The following ABCA13 variants were observed in gnomAD, a reference collection of about 807,000 sequenced individuals.
ABCA13 encodes the protein ATP-binding cassette sub-family A member 13.
A neutral mutation model predicts 478.7 loss-of-function variants in ABCA13; 476 were observed. The ratio of observed to expected loss-of-function variants is 0.99; its 90% CI spans 0.92 to 1.07. The LOEUF is 1.07. Among genes scored for constraint, ABCA13 ranks in the 50% least tolerant of loss-of-function variants. The pLI is 0.00. For synonymous variants in ABCA13, 2,252 were observed against 2,158.9 expected (o/e 1.04, Z -1.20); for missense variants, 6,060 against 5,910.6 (o/e 1.03, Z -0.83).
chr7:48,399,312 G>C (rs1043182641), intron 38 of ABCA13, among the ~76,000 whole-genome samples: 13 of 152,228 alleles, frequency 8.5e-5, no homozygotes, highest in African/African-American at 3.1e-4. Flanking sequence ...TTGAGCTACA[G>C]AGCAGGTGGC....
rs2129027534 is a variant in ABCA13, at chr7:48,372,293, A to G, written c.10929A>G (p.Ala3643=). The change falls in exon 33 of 62, where the codon GCA becomes GCG. Residue 3643 remains alanine (A), a synonymous_variant. Transcript: ENST00000435803. ...AIVLKTSGIF[A]HSNTFIVFLF... ...TTCTGAAAACAAGTGGCATCTTTGC[A>G]CACAGCAATACCTTTATTGTTTTCC... 1 of 1,613,944 alleles carries G rather than the reference A, an allele frequency of 6.2e-7. No individual in the cohort carries two copies. Among genetic ancestry groups the G allele is most frequent in the Non-Finnish European group, 8.5e-7 (1 of 1,179,840 alleles).
chr7:48,453,196 TA>T (rs1273017483), intron 42 of ABCA13, among the ~76,000 whole-genome samples: 1 of 151,864 alleles, frequency 6.6e-6, no homozygotes, highest in Non-Finnish European at 1.5e-5. Context: ...TGGGAAGTTA[TA>T]AAAACACACT....
intron 43 of ABCA13, among the ~76,000 whole-genome samples, chr7:48,459,980 T>C (rs1826074084): frequency 6.6e-6 from 1 of 152,154 alleles, no homozygotes; most frequent in African/African-American, 2.4e-5. Context: ...TCCTTGAACA[T>C]GGACCTGACC....
At chr7:48,406,423 C>G (rs1408071383) in intron 39 of ABCA13, among the ~76,000 whole-genome samples, 1 of 152,164 alleles carries the variant, frequency 6.6e-6, no homozygotes, top group South Asian at 2.1e-4. Context: ...GTGCACAGTT[C>G]TGTATATACC....
chr7:48,273,209 G>A lies in ABCA13; in HGVS notation c.3543G>A (p.Gln1181=), dbSNP rs992340418. The part of the protein sequence containing the change: ...VFTSLHHGFT[Q]LLDELEDDVK... ...CATCTCTTCATCATGGTTTCACTCA[G>A]CTTTTGGATGAATTGGAAGATGATG... The change falls in exon 17 of 62, where the codon CAG becomes CAA. Residue 1181 remains glutamine (Q), a synonymous_variant. Transcript: ENST00000435803. The A allele has an allele frequency of 6.2e-7, 1 of 1,613,624 alleles. No individual in the cohort carries two copies. Among genetic ancestry groups the A allele is most frequent in the Non-Finnish European group, 8.5e-7 (1 of 1,179,732 alleles).
chr7:48,456,004 C>G (rs1825632583), intron 43 of ABCA13, among the ~76,000 whole-genome samples: 1 of 152,236 alleles, frequency 6.6e-6, no homozygotes, highest in Non-Finnish European at 1.5e-5. Context: ...GTCAGGGAGG[C>G]CCGGCCCTTG....
At chr7:48,454,416 G>GCA in intron 42 of ABCA13, among the ~76,000 whole-genome samples, 1 of 152,364 alleles carries the variant, frequency 6.6e-6, no homozygotes, top group African/African-American at 2.4e-5. Flanking sequence ...GATGAATGAT[G>GCA]CACAGCTCAC....
chr7:48,387,960 G>C lies in ABCA13; in HGVS notation c.11473+1G>C. 6.3e-7 allele frequency: 1 copy of C among 1,596,144 alleles called. No homozygotes were observed. Among genetic ancestry groups the C allele is most frequent in the East Asian group, 2.2e-5 (1 of 44,680 alleles). ...TTCAATGAGAACTTTGACAATAAAG[G>C]TTTGTAAGGAGTAGAATTATTAGAT... is the stretch of plus-strand genomic sequence containing the variant. On this transcript the variant is annotated splice_donor_variant, in intron 36 of 61. Coordinates refer to ENST00000435803, the MANE Select transcript of ABCA13 (RefSeq NM_152701.5). LOFTEE classifies it high-confidence loss of function.
chr7:48,403,409 A>G (rs1817865678), intron 38 of ABCA13, among the ~76,000 whole-genome samples: 1 of 152,198 alleles, frequency 6.6e-6, no homozygotes, highest in African/African-American at 2.4e-5. Flanking sequence ...ATGCTTCTCC[A>G]GAGAGGAGAC....
At chr7:48,588,819 G>C (rs995963891) in intron 57 of ABCA13, among the ~76,000 whole-genome samples, 2 of 152,176 alleles carry the variant, frequency 1.3e-5, no homozygotes, top group African/African-American at 4.8e-5. Context: ...CAGGCCTTTG[G>C]AGTTCTCAAC....
At chr7:48,561,318 A>G (rs1563439186) in intron 55 of ABCA13, among the ~76,000 whole-genome samples, 1 of 152,050 alleles carries the variant, frequency 6.6e-6, no homozygotes, top group Non-Finnish European at 1.5e-5. Flanking sequence ...AGTGATCTTT[A>G]TACTTTCTCT....
At chr7:48,406,318 A>G (rs190713985) in intron 39 of ABCA13, among the ~76,000 whole-genome samples, 1 of 152,362 alleles carries the variant, frequency 6.6e-6, no homozygotes, top group Admixed American at 6.5e-5. Flanking sequence ...CCCTGCAGAA[A>G]TGATCAAATG....
chr7:48,601,402 C>T (rs535173237), intron 58 of ABCA13, among the ~76,000 whole-genome samples: 14 of 152,112 alleles, frequency 9.2e-5, no homozygotes, highest in Non-Finnish European at 1.8e-4. Context: ...CAACAGGCCC[C>T]GGTGTGTGAT....
intron 18 of ABCA13, among the ~76,000 whole-genome samples, chr7:48,280,496 G>T (rs1365829063): frequency 6.6e-6 from 1 of 152,350 alleles, no homozygotes; most frequent in South Asian, 2.1e-4. Context: ...CTTGGAAGCA[G>T]TCTGTTGCCT....
rs140298698 is a variant in ABCA13 at position 48,533,289 on chromosome 7, A to T, written c.14354+4944A>T. ...TTCAGGAGTAGGTTATTTAATTTCT[A>T]TGTATTTGCATGGTTTTGAGGGTTC... On this transcript the variant is annotated intron_variant, in intron 55 of 61. Transcript: ENST00000435803. Among the ~76,000 whole-genome samples the T allele has an allele frequency of 3.1e-3, 469 of 152,080 alleles. 3 individuals carry two copies. The highest frequency in any genetic ancestry group is 0.011 in the African/African-American group (455 of 41,530).
chr7:48,216,451 A>T (rs576583466), intron 3 of ABCA13, among the ~76,000 whole-genome samples: 1 of 152,228 alleles, frequency 6.6e-6, no homozygotes, highest in Admixed American at 6.5e-5. Flanking sequence ...TTGTCTTTTT[A>T]TTATAAAGTT....
At chr7:48,484,190 G>A (rs1400170889) in intron 47 of ABCA13, among the ~76,000 whole-genome samples, 2 of 152,202 alleles carry the variant, frequency 1.3e-5, no homozygotes, top group Non-Finnish European at 2.9e-5. Flanking sequence ...CATCCCTGAT[G>A]AGACAGTCAT....
intron 42 of ABCA13, among the ~76,000 whole-genome samples, chr7:48,430,579 G>T (rs1209600131): frequency 6.6e-6 from 1 of 151,220 alleles, no homozygotes; most frequent in South Asian, 2.1e-4. Context: ...GGAGGCGGAG[G>T]CAGAGAATTG....
At chr7:48,249,666 G>C (rs1300036179) in intron 15 of ABCA13, among the ~76,000 whole-genome samples, 1 of 152,166 alleles carries the variant, frequency 6.6e-6, no homozygotes, top group Non-Finnish European at 1.5e-5. Flanking sequence ...CTACTCACAA[G>C]AGTCCAGATT....
Sources: allele counts gnomAD v4.1 joint callset (sites outside exome capture counted in the v4.1 genomes callset), GRCh38; gene constraint gnomAD v4.1.1; transcripts MANE v1.5; gene names NCBI Gene and HGNC (gene_info 2026-07-23, HGNC 2026-07-21).